The following SLC6A3 variants were observed in gnomAD, a reference collection of about 807,000 sequenced individuals.
The protein encoded by SLC6A3 is sodium-dependent dopamine transporter.
A neutral mutation model predicts 70.4 loss-of-function variants in SLC6A3; 19 were observed. The observed-to-expected ratio is 0.27, with a 90% CI of 0.19 to 0.40. The LOEUF is 0.40. Among genes scored for constraint, SLC6A3 ranks in the 10% least tolerant of loss-of-function variants. The probability of loss-of-function intolerance (pLI) is 1.00; values close to 1 mark genes in which losing one functional copy is unlikely to be tolerated. For synonymous variants in SLC6A3, 368 were observed against 356.6 expected, an observed-to-expected ratio of 1.03 and a Z score of -0.36; for missense variants, 613 against 838.5, an observed-to-expected ratio of 0.73 and a Z score of 3.32.
At chr5:1,444,838 G>A (rs1031865968) in intron 1 of SLC6A3, among the ~76,000 whole-genome samples, 1 of 152,216 alleles carries the variant, frequency 6.6e-6, no homozygotes, top group African/African-American at 2.4e-5. Context: ...ACAAGAAGCG[G>A]CGCTGCCTGG....
rs755034057 is a variant in SLC6A3, at chr5:1,401,604, G to A, written c.1768-618C>T. ...TGACCTCTCACAGGGACCCCTGTGC[G>A]TGGCCCCACCCCACGTCATCACCAC... On this transcript the variant is annotated intron_variant, in intron 13 of 14. Coordinates refer to ENST00000270349, the MANE Select transcript of SLC6A3 (RefSeq NM_001044.5). This position sits in a 1 kb window ranked among gnomAD's most constrained non-coding sequence, Gnocchi z 6.1. Among the ~76,000 whole-genome samples the A allele has an allele frequency of 8.5e-5, 13 of 152,150 alleles. No individual in the cohort carries two copies. The highest frequency in any genetic ancestry group is 3.9e-4 in the East Asian group (2 of 5,182).
rs1240231373 is a variant in SLC6A3 at position 1,393,124 on chromosome 5, G to A, written c.*1611C>T. ...AACTGCAGCTGCCTGGCAGTTCACA[G>A]GCTGACGGCTCCCACCGAGCATTAC... On this transcript the variant is annotated 3_prime_UTR_variant, in exon 15 of 15. Coordinates refer to ENST00000270349, the MANE Select transcript of SLC6A3 (RefSeq NM_001044.5). 4.0e-5 allele frequency: 5 copies of A among 124,060 alleles called. No homozygotes were observed. The highest frequency in any genetic ancestry group is 1.5e-4 in the African/African-American group (5 of 32,648). 7.7% of individuals were successfully genotyped at this position (124,060 alleles called of 1,614,324 possible).
chr5:1,433,790 TCCACAACCATCCACAA>T, intron 3 of SLC6A3, among the ~76,000 whole-genome samples: 1 of 150,236 alleles, frequency 6.7e-6, no homozygotes, highest in East Asian at 2.0e-4. Flanking sequence ...CATCCATCCA[TCCACAACCATCCACAA>T]CCATCCACAC....
chr5:1,422,154 C>A (rs1008336769), intron 4 of SLC6A3, 140 bp from the exon 5 acceptor site: 13 of 947,432 alleles, frequency 1.4e-5, no homozygotes, highest in Non-Finnish European at 2.1e-5. Context: ...GAGATGCCTT[C>A]CAGGGAGGTC....
In SLC6A3 at chr5:1,409,163, T is replaced by C. The variant is rs777298209; in HGVS notation, c.1399-38A>G. 13 of 1,461,058 alleles carry C rather than the reference T, an allele frequency of 8.9e-6. No homozygotes were observed. In the African/African-American group the frequency reaches 1.8e-4, roughly 20 times the overall value. 90.5% of individuals were successfully genotyped at this position (1,461,058 alleles called of 1,614,324 possible). ...GGAGCCTGTGGACCTACAGAAGGGC[T>C]TTCCCCAGAGGTAAACCCAGCCTGG... is the stretch of plus-strand genomic sequence containing the variant. On this transcript the variant is annotated intron_variant, in intron 10 of 14. Coordinates refer to ENST00000270349, the MANE Select transcript of SLC6A3 (RefSeq NM_001044.5).
chr5:1,415,941 G>GC (rs1298505030), intron 7 of SLC6A3, among the ~76,000 whole-genome samples, 157 bp downstream of exon 7: 1 of 152,206 alleles, frequency 6.6e-6, no homozygotes, highest in African/African-American at 2.4e-5. Flanking sequence ...GTTGGGAGCT[G>GC]CCTCGCTGTC....
chr5:1,400,772 T>C (rs1755830364), intron 14 of SLC6A3, 143 bp downstream of exon 14: 1 of 716,848 alleles, frequency 1.4e-6, no homozygotes, highest in African/African-American at 1.8e-5. Context: ...CACCACTGGC[T>C]GCCTGTCCTC....
At chr5:1,439,318 T>TGGGGTGGGGGTG (rs554357206) in intron 3 of SLC6A3, among the ~76,000 whole-genome samples, 7 of 17,140 alleles carry the variant, frequency 4.1e-4, no homozygotes, top group African/African-American at 1.8e-3. Flanking sequence ...AAGATGTGTG[T>TGGGGTGGGGGTG]GGGGTGGGGG....
rs531957903 is a variant in SLC6A3 at position 1,401,470 on chromosome 5, C to A, written c.1768-484G>T. 1.6e-3 allele frequency among the ~76,000 whole-genome samples: 247 copies of A among 152,334 alleles called. 1 individual carries two copies. Among genetic ancestry groups the A allele is most frequent in the Non-Finnish European group, 2.5e-3 (171 of 68,022 alleles). ...CGTGCCTTCCTTCCACTGCCCGCTG[C>A]GGCAGCTCCTGGGGCCTGGACAGCA... On this transcript the variant is annotated intron_variant, in intron 13 of 14. Coordinates refer to ENST00000270349, the MANE Select transcript of SLC6A3 (RefSeq NM_001044.5). The surrounding 1 kb of genome is among the most constrained non-coding windows in gnomAD (Gnocchi z 6.1).
At chr5:1,407,960 C>T (rs529683594) in intron 11 of SLC6A3, among the ~76,000 whole-genome samples, 19 of 152,110 alleles carry the variant, frequency 1.2e-4, no homozygotes, top group Non-Finnish European at 2.5e-4. Context: ...CCGGGGCTCA[C>T]GCAGCACCAC....
In SLC6A3 at chr5:1,408,923, C is replaced by T; in HGVS notation, c.1498+103G>A. On this transcript the variant is annotated intron_variant, in intron 11 of 14. Coordinates refer to ENST00000270349, the MANE Select transcript of SLC6A3 (RefSeq NM_001044.5). The surrounding 1 kb of genome is among the most constrained non-coding windows in gnomAD (Gnocchi z 6.4). Reference sequence around the variant, plus strand: ...GCTGTGATGACCACAACCCAGGCTTCCTGCAGCTGAAAGGTGTTTCCTCAC... The same window carrying T: ...GCTGTGATGACCACAACCCAGGCTTTCTGCAGCTGAAAGGTGTTTCCTCAC... 1.2e-6 allele frequency: 1 copy of T among 801,760 alleles called. No homozygotes were observed. 49.7% of individuals were successfully genotyped at this position (801,760 alleles called of 1,614,324 possible).
chr5:1,430,179 C>A (rs1176010184), intron 4 of SLC6A3, among the ~76,000 whole-genome samples: 17 of 152,096 alleles, frequency 1.1e-4, no homozygotes, highest in African/African-American at 4.1e-4. Flanking sequence ...GTCTTCCTGG[C>A]GCCCCAGCCT....
In SLC6A3 at chr5:1,413,883, C is replaced by T. The variant is rs1367963651; in HGVS notation, c.1156+808G>A. 6.6e-6 allele frequency among the ~76,000 whole-genome samples: 1 copy of T among 152,232 alleles called. No individual in the cohort carries two copies. The highest frequency in any genetic ancestry group is 6.5e-5 in the Admixed American group (1 of 15,288). On this transcript the variant is annotated intron_variant, in intron 8 of 14. Coordinates refer to ENST00000270349, the MANE Select transcript of SLC6A3 (RefSeq NM_001044.5). This position sits in a 1 kb window ranked among gnomAD's most constrained non-coding sequence, Gnocchi z 7.1. ...CAAGTGCCTGGGCCCACTCTCAGCCCCTGCATCTGTGCCCGTCCTGCCGGC... is the reference window on the plus strand; with the variant it reads ...CAAGTGCCTGGGCCCACTCTCAGCCTCTGCATCTGTGCCCGTCCTGCCGGC...
At chr5:1,432,377 G>A in intron 4 of SLC6A3, 87 bp downstream of exon 4, 2 of 970,598 alleles carry the variant, frequency 2.1e-6, no homozygotes, top group East Asian at 5.1e-5. Flanking sequence ...CTGGGAGTCA[G>A]CAAGGGCTGG....
At position 1,393,416 on chromosome 5, in the gene SLC6A3, TTTG is replaced by T. The variant is rs1423172366; in HGVS notation, c.*1316_*1318del. 6.5e-6 allele frequency: 1 copy of T among 152,692 alleles called. No individual in the cohort carries two copies. Among genetic ancestry groups the T allele is most frequent in the Admixed American group, 6.5e-5 (1 of 15,300 alleles). The allele number at this position is 152,692 out of a possible 1,614,324, so 9.5% of individuals were successfully genotyped here. A position where few individuals can be genotyped will look rare whatever the true frequency, so the allele number is the denominator to read the frequency against. On this transcript the variant is annotated 3_prime_UTR_variant, in exon 15 of 15. Transcript: ENST00000270349. ...GGCTCGCGGATACTGCATTCTTGAA[TTTG>T]TTTTGATTCACAGGTAAATATGATT...
Position 1,442,873 on chromosome 5 carries a change from C to A in SLC6A3, c.286+39G>T. 1 of 1,612,444 alleles carries A rather than the reference C, an allele frequency of 6.2e-7. No individual in the cohort carries two copies. ...GCCCCGGCTGCCCCTACGACCCCCG[C>A]CCGGCCAGCATGCTCAGGGAGGCTG... On this transcript the variant is annotated intron_variant, in intron 2 of 14. Coordinates refer to ENST00000270349, the MANE Select transcript of SLC6A3 (RefSeq NM_001044.5). The surrounding 1 kb of genome is among the most constrained non-coding windows in gnomAD (Gnocchi z 5.0).
chr5:1,401,801 G>C lies in SLC6A3; in HGVS notation c.1768-815C>G, dbSNP rs1028363124. Among the ~76,000 whole-genome samples the C allele has an allele frequency of 6.6e-6, 1 of 152,234 alleles. No individual in the cohort carries two copies. ...CACGTCCATCCAGCCTCCCAGAGGA[G>C]CTCTCTCCCTGCAGAGACTGCCCGG... On this transcript the variant is annotated intron_variant, in intron 13 of 14. Transcript: ENST00000270349. The surrounding 1 kb of genome is among the most constrained non-coding windows in gnomAD (Gnocchi z 6.1).
Position 1,432,561 on chromosome 5 carries a change from T to G in SLC6A3, c.556A>C (p.Ser186Arg). ...GGATGGGCATCCGAGCAGTTGGGGC[T>G]GTTCCAGGAGTTGTTGCAGTGGATC... ...PWIHCNNSWN[S>R]PNCSDAHPGD... The change falls in exon 4 of 15, where the codon AGC becomes CGC. Residue 186 changes from serine (S) to arginine (R), a missense_variant. Physicochemically the swap from Ser to Arg is moderately radical, Grantham distance 110. Around this residue, in one of 4 missense-constraint regions of SLC6A3, gnomAD observed 153 missense variants for 249.4 expected, o/e 0.61. Transcript: ENST00000270349. 6.2e-7 allele frequency: 1 copy of G among 1,614,236 alleles called. No homozygotes were observed. The highest frequency in any genetic ancestry group is 8.5e-7 in the Non-Finnish European group (1 of 1,180,028).
chr5:1,422,484 CCA>C (rs769959644), intron 4 of SLC6A3, among the ~76,000 whole-genome samples: 21 of 74,912 alleles, frequency 2.8e-4, no homozygotes, highest in African/African-American at 8.6e-4. Flanking sequence ...CCACCGCTGC[CCA>C]CAGTGCTGCC....
Sources: allele counts gnomAD v4.1 joint callset (sites outside exome capture counted in the v4.1 genomes callset), GRCh38; gene constraint gnomAD v4.1.1; regional missense constraint gnomAD v4.1.1; non-coding constraint Gnocchi (gnomAD v3.1); transcripts MANE v1.5; gene names NCBI Gene and HGNC (gene_info 2026-07-23, HGNC 2026-07-21).